The following C9orf85 variants were observed in gnomAD, a reference collection of about 807,000 sequenced individuals.
The protein encoded by C9orf85 is uncharacterized protein C9orf85.
Under a neutral mutation model 14.9 loss-of-function variants are expected in C9orf85, and 16 were observed. The ratio of observed to expected loss-of-function variants is 1.08; its 90% CI spans 0.73 to 1.63. C9orf85 has a LOEUF of 1.63. Ranked by LOEUF, C9orf85 falls within the 40% of genes most tolerant of loss-of-function variation. The pLI is 0.00. For missense variants in C9orf85, 172 were observed against 186.1 expected (o/e 0.92, Z 0.44); for synonymous variants, 45 against 56.8 (o/e 0.79, Z 0.93).
chr9:71,915,674 T>C (rs1827629448), intron 1 of C9orf85, among the ~76,000 whole-genome samples: 1 of 152,218 alleles, frequency 6.6e-6, no homozygotes, highest in South Asian at 2.1e-4. Context: ...CCAGTTTTAG[T>C]CCTGTTCAGA....
intron 2 of C9orf85, among the ~76,000 whole-genome samples, chr9:71,971,109 C>T (rs550985631): frequency 1.3e-5 from 2 of 152,220 alleles, no homozygotes; most frequent in East Asian, 3.9e-4. Context: ...ATAGTTAGGT[C>T]TTTAGTTTCT....
At chr9:71,946,942 T>G in intron 1 of C9orf85, 64 bp from the exon 2 acceptor site, 1 of 1,097,870 alleles carries the variant, frequency 9.1e-7, no homozygotes, top group Non-Finnish European at 1.4e-6. Context: ...TACACTCTTT[T>G]ATGGGATTTG....
chr9:71,983,717 T>C (rs563403884), downstream of C9orf85: 2 of 152,324 alleles, frequency 1.3e-5, no homozygotes, highest in Admixed American at 6.5e-5. Context: ...ATCTGGTACA[T>C]TGCTTCAGTA....
At chr9:71,944,413 GA>G (rs771298732) in intron 1 of C9orf85, among the ~76,000 whole-genome samples, 1 of 151,518 alleles carries the variant, frequency 6.6e-6, no homozygotes, top group Non-Finnish European at 1.5e-5. Context: ...TTCCACTGAA[GA>G]TTTTTTTTTT....
At chr9:71,912,234 C>G (rs549234406) in intron 1 of C9orf85, among the ~76,000 whole-genome samples, 1 of 152,240 alleles carries the variant, frequency 6.6e-6, no homozygotes, top group African/African-American at 2.4e-5. Flanking sequence ...CCAAAAACCC[C>G]AAGCCCATAG....
At chr9:71,978,509 C>G (rs575922390) in intron 3 of C9orf85, among the ~76,000 whole-genome samples, 1 of 152,146 alleles carries the variant, frequency 6.6e-6, no homozygotes, top group East Asian at 1.9e-4. Context: ...ATACCTTGAG[C>G]AAAAGAATCC....
At chr9:71,984,812 A>C (rs770995957), downstream of C9orf85, 2 of 152,244 alleles carry the variant, frequency 1.3e-5, no homozygotes, top group Non-Finnish European at 2.9e-5. Context: ...CAACACAGTA[A>C]ATCTTGTGTT....
chr9:71,979,868 A>G lies in C9orf85; in HGVS notation c.324-2789A>G, dbSNP rs546885250. On this transcript the variant is annotated intron_variant, in intron 3 of 3. Coordinates refer to the C9orf85 transcript ENST00000377031. Reference sequence around the variant, plus strand: ...GAATTAGAAAAACATACTCCATTACACTGAACTTTTATTCAAATTCTAAAT... The same window carrying G: ...GAATTAGAAAAACATACTCCATTACGCTGAACTTTTATTCAAATTCTAAAT... Among the ~76,000 whole-genome samples, 270 of 152,298 alleles carry G rather than the reference A, an allele frequency of 1.8e-3. 1 individual carries two copies. Among genetic ancestry groups the G allele is most frequent in the African/African-American group, 6.2e-3 (256 of 41,552 alleles).
At chr9:71,969,231 C>T (rs771821975) in intron 2 of C9orf85, among the ~76,000 whole-genome samples, 3 of 152,188 alleles carry the variant, frequency 2.0e-5, no homozygotes, top group Non-Finnish European at 4.4e-5. Flanking sequence ...TCACTGCAAC[C>T]TCTGTCTCCC....
intron 1 of C9orf85, among the ~76,000 whole-genome samples, chr9:71,929,576 A>T (rs537835226): frequency 6.6e-6 from 1 of 152,230 alleles, no homozygotes; most frequent in South Asian, 2.1e-4. Context: ...CTCTTAGAAC[A>T]TTGCTTAGCA....
At chr9:71,917,719 A>G (rs1435288785) in intron 1 of C9orf85, among the ~76,000 whole-genome samples, 1 of 152,232 alleles carries the variant, frequency 6.6e-6, no homozygotes, top group Non-Finnish European at 1.5e-5. Context: ...ATACTATGTG[A>G]TTCCATCTAT....
chr9:71,966,686 T>TG (rs1275082490), intron 2 of C9orf85, among the ~76,000 whole-genome samples: 1 of 151,790 alleles, frequency 6.6e-6, no homozygotes, highest in East Asian at 1.9e-4. Context: ...ACAGAGAGAA[T>TG]GGGGGGCTCA....
intron 1 of C9orf85, among the ~76,000 whole-genome samples, chr9:71,927,809 T>C (rs1827966761): frequency 6.6e-6 from 1 of 152,200 alleles, no homozygotes; most frequent in Admixed American, 6.5e-5. Flanking sequence ...ATTTATATAA[T>C]ATAACATTAA....
intron 1 of C9orf85, among the ~76,000 whole-genome samples, chr9:71,943,942 A>C (rs1054813973): frequency 6.7e-6 from 1 of 149,842 alleles, no homozygotes; most frequent in African/African-American, 2.4e-5. Context: ...ACTCTAAAAT[A>C]TATGTTGTAT....
chr9:71,981,365 C>T (rs527768438), intron 3 of C9orf85, among the ~76,000 whole-genome samples: 2 of 152,228 alleles, frequency 1.3e-5, no homozygotes, highest in African/African-American at 2.4e-5. Context: ...GCTTCTAGTC[C>T]GAAAAATAAA....
chr9:71,923,029 C>G (rs1261676974), intron 1 of C9orf85, among the ~76,000 whole-genome samples: 1 of 152,182 alleles, frequency 6.6e-6, no homozygotes, highest in Non-Finnish European at 1.5e-5. Context: ...ACTCGGGAGG[C>G]TGGAGTGGGA....
chr9:71,925,851 G>A (rs954107370), intron 1 of C9orf85, among the ~76,000 whole-genome samples: 2 of 152,172 alleles, frequency 1.3e-5, no homozygotes, highest in Admixed American at 1.3e-4. Context: ...GAGAGGATTA[G>A]ATTTATACAA....
chr9:71,939,460 CTG>C (rs1245879214), intron 1 of C9orf85, among the ~76,000 whole-genome samples: 1 of 151,952 alleles, frequency 6.6e-6, no homozygotes, highest in Non-Finnish European at 1.5e-5. Context: ...TTACAAATGA[CTG>C]GGGTTTATCT....
At position 71,971,598 on chromosome 9, in the gene C9orf85, GAAA is replaced by G. The variant is rs747530322; in HGVS notation, c.304_306del (p.Lys102del). On this transcript the variant is annotated inframe_deletion, in exon 3 of 4. Coordinates refer to ENST00000334731, the MANE Select transcript of C9orf85 (RefSeq NM_182505.5). Reference sequence around the variant, plus strand: ...TTGAAGTTTGCGCAAAATGTGGAAAGAAAGAAGACATTGTTATTCCGTGAGTGT... The same window carrying G: ...TTGAAGTTTGCGCAAAATGTGGAAAGGAAGACATTGTTATTCCGTGAGTGT... The G allele has an allele frequency of 8.7e-6, 14 of 1,607,876 alleles. No homozygotes were observed. In the South Asian group the frequency reaches 1.3e-4, roughly 15 times the overall value.
Sources: allele counts gnomAD v4.1 joint callset (sites outside exome capture counted in the v4.1 genomes callset), GRCh38; gene constraint gnomAD v4.1.1; transcripts MANE v1.5; gene names NCBI Gene and HGNC (gene_info 2026-07-23, HGNC 2026-07-21).